FIP1L1: variants seen among roughly 807,000 people sequenced by gnomAD.
FIP1L1 encodes pre-mRNA 3'-end-processing factor FIP1.
In FIP1L1, 21 loss-of-function variants were observed where a neutral mutation model predicts 84.6. That is an observed-to-expected ratio of 0.25 (90% CI 0.18 to 0.36). The LOEUF (loss-of-function observed/expected upper bound fraction) is 0.36, where lower values mean the gene tolerates loss of function less well. FIP1L1 is among the 10% of genes least tolerant of loss of function. FIP1L1 has a pLI of 1.00. For missense variants in FIP1L1, 526 were observed against 751.1 expected, an observed-to-expected ratio of 0.70 and a Z score of 3.50; for synonymous variants, 263 against 242.3, an observed-to-expected ratio of 1.09 and a Z score of -0.80.
intron 14 of FIP1L1, 74 bp downstream of exon 14, chr4:53,442,781 T>C (rs1772552241): frequency 3.6e-6 from 3 of 828,144 alleles, no homozygotes; most frequent in Non-Finnish European, 5.9e-6. Flanking sequence ...TGGAAATATT[T>C]TCAGATATTT....
intron 13 of FIP1L1, among the ~76,000 whole-genome samples, chr4:53,441,774 CTT>C (rs1391953681): frequency 1.3e-5 from 2 of 151,900 alleles, no homozygotes; most frequent in Non-Finnish European, 2.9e-5. Flanking sequence ...TGGAATACCT[CTT>C]GTTCTCATTT....
In FIP1L1 at chr4:53,380,789, T is replaced by G. The variant is rs181727712; in HGVS notation, c.171-1489T>G. 1.6e-3 allele frequency among the ~76,000 whole-genome samples: 247 copies of G among 152,338 alleles called. 1 individual carries two copies. Among genetic ancestry groups the G allele is most frequent in the African/African-American group, 5.7e-3 (239 of 41,588 alleles). ...AAGTTGAGATTAGTTTTAGTTTATGTTATGAAAGTGATTGAATATTTCTTT... is the reference window on the plus strand; with the variant it reads ...AAGTTGAGATTAGTTTTAGTTTATGGTATGAAAGTGATTGAATATTTCTTT... On this transcript the variant is annotated intron_variant, in intron 3 of 17. Transcript: ENST00000337488.
intron 9 of FIP1L1, among the ~76,000 whole-genome samples, chr4:53,393,193 G>A (rs1307102106): frequency 6.6e-6 from 1 of 152,178 alleles, no homozygotes. Flanking sequence ...AGGATGGGCT[G>A]TAGAATGAAA....
At chr4:53,428,451 T>C (rs769389916) in intron 13 of FIP1L1, among the ~76,000 whole-genome samples, 1 of 152,214 alleles carries the variant, frequency 6.6e-6, no homozygotes, top group African/African-American at 2.4e-5. Flanking sequence ...CTTAAGTTGC[T>C]AATAGAATAT....
At chr4:53,459,269 G>GAA in intron 17 of FIP1L1, 33 bp from the exon 18 acceptor site, 1 of 1,347,222 alleles carries the variant, frequency 7.4e-7, no homozygotes, top group Admixed American at 2.5e-5. Context: ...TATTTAAACA[G>GAA]AACACACCTT....
intron 10 of FIP1L1, among the ~76,000 whole-genome samples, chr4:53,402,096 G>A (rs1401033639): frequency 2.6e-5 from 4 of 152,156 alleles, no homozygotes; most frequent in Non-Finnish European, 5.9e-5. Flanking sequence ...TGAAAATGAT[G>A]TGTTTCAAGG....
intron 11 of FIP1L1, among the ~76,000 whole-genome samples, chr4:53,422,021 T>G (rs1373581188): frequency 6.6e-6 from 1 of 152,236 alleles, no homozygotes; most frequent in Non-Finnish European, 1.5e-5. Context: ...TAAATTGCTC[T>G]TATTGAATTG....
At chr4:53,411,764 T>C (rs1757336135) in intron 10 of FIP1L1, among the ~76,000 whole-genome samples, 1 of 152,148 alleles carries the variant, frequency 6.6e-6, no homozygotes, top group Non-Finnish European at 1.5e-5. Flanking sequence ...AATGCTGGGT[T>C]TCCAACGTTC....
intron 16 of FIP1L1, among the ~76,000 whole-genome samples, chr4:53,454,446 A>G (rs1717842111): frequency 6.6e-6 from 1 of 152,234 alleles, no homozygotes; most frequent in South Asian, 2.1e-4. Context: ...CTGTATACAT[A>G]TACCGCAAAT....
chr4:53,412,460 T>G (rs1169750671), intron 10 of FIP1L1, among the ~76,000 whole-genome samples: 2 of 152,130 alleles, frequency 1.3e-5, no homozygotes, highest in Non-Finnish European at 2.9e-5. Flanking sequence ...CTTTTTGTTT[T>G]TCTTAAATCT....
intron 11 of FIP1L1, among the ~76,000 whole-genome samples, chr4:53,421,578 G>A (rs954855998): frequency 5.8e-4 from 89 of 152,138 alleles, no homozygotes; most frequent in Admixed American, 5.6e-3. Flanking sequence ...GTCATAACAA[G>A]TGCATCTCTT....
intron 13 of FIP1L1, among the ~76,000 whole-genome samples, chr4:53,441,960 T>C (rs990839772): frequency 8.6e-5 from 13 of 152,014 alleles, no homozygotes; most frequent in African/African-American, 3.1e-4. Context: ...TATCTGAATT[T>C]GAAAGTGTAG....
At chr4:53,407,164 T>C (rs1249473717) in intron 10 of FIP1L1, among the ~76,000 whole-genome samples, 5 of 152,198 alleles carry the variant, frequency 3.3e-5, no homozygotes, top group African/African-American at 1.2e-4. Context: ...TAAATTTCCG[T>C]CTACACACTG....
intron 9 of FIP1L1, among the ~76,000 whole-genome samples, chr4:53,393,695 C>T (rs12649718): frequency 0.56 from 83,753 of 149,260 alleles, 25,127 homozygotes; most frequent in Non-Finnish European, 0.67. Flanking sequence ...TATGAGAAAA[C>T]GTTGACTACA....
chr4:53,440,400 A>G (rs1289037840), intron 13 of FIP1L1, among the ~76,000 whole-genome samples: 1 of 151,946 alleles, frequency 6.6e-6, no homozygotes, highest in African/African-American at 2.4e-5. Context: ...TTCATCAAGG[A>G]AGTTGGATGT....
chr4:53,402,111 A>G (rs1020341004), intron 10 of FIP1L1, among the ~76,000 whole-genome samples: 3 of 152,192 alleles, frequency 2.0e-5, no homozygotes, highest in African/African-American at 4.8e-5. Context: ...TCAAGGAGAA[A>G]TGTCAGCTAT....
At chr4:53,385,968 A>C (rs1187116892) in intron 5 of FIP1L1, among the ~76,000 whole-genome samples, 1 of 152,124 alleles carries the variant, frequency 6.6e-6, no homozygotes, top group Non-Finnish European at 1.5e-5. Context: ...TCAGAAGCAA[A>C]TTTAAAGAAC....
intron 13 of FIP1L1, among the ~76,000 whole-genome samples, chr4:53,436,918 G>T (rs1769474920): frequency 6.6e-6 from 1 of 152,108 alleles, no homozygotes; most frequent in Admixed American, 6.5e-5. Context: ...AGCTGGGTGT[G>T]GTGGCTCACT....
intron 1 of FIP1L1, 127 bp from the exon 2 acceptor site, chr4:53,378,946 C>G (rs1736269641): frequency 1.1e-6 from 1 of 901,324 alleles, no homozygotes; most frequent in Non-Finnish European, 1.7e-6. Flanking sequence ...TTACAAAGAT[C>G]TGGAAATCTT....
Sources: gnomAD v4.1 joint callset for allele counts (sites outside exome capture counted in the v4.1 genomes callset) on GRCh38, gnomAD v4.1.1 for gene constraint, MANE v1.5 for transcripts, NCBI Gene and HGNC (gene_info 2026-07-23, HGNC 2026-07-21) for gene names.